Variants in ANO4 observed in about 807,000 individuals in gnomAD.
ANO4 encodes anoctamin 4.
ANO4 carries 69 observed loss-of-function variants against 141.9 expected under a neutral mutation model. The ratio of observed to expected loss-of-function variants is 0.49; its 90% CI spans 0.40 to 0.59. ANO4 has a LOEUF of 0.59. ANO4 is among the 20% of genes least tolerant of loss of function. The probability of loss-of-function intolerance (pLI) is 0.00; values close to 1 mark genes in which losing one functional copy is unlikely to be tolerated. For synonymous variants in ANO4, 350 were observed against 394.3 expected (o/e 0.89, Z 1.33); for missense variants, 894 against 1,162.2 (o/e 0.77, Z 3.36).
chr12:100,931,493 T>A lies in ANO4; in HGVS notation c.161-7822T>A, dbSNP rs545504531. On this transcript the variant is annotated intron_variant, in intron 3 of 27. Coordinates refer to ENST00000392977, the MANE Select transcript of ANO4 (RefSeq NM_001286615.2). ...GTATGGATTTGGGGTCTGAATTGAA[T>A]GAAAATTCATCTTTGTCACTTACTA... Among the ~76,000 whole-genome samples the A allele has an allele frequency of 3.2e-4, 49 of 152,274 alleles. 1 individual carries two copies. In the South Asian group the frequency reaches 9.3e-3, roughly 29 times the overall value.
chr12:100,985,397 CTT>C (rs2044664716), intron 7 of ANO4, among the ~76,000 whole-genome samples: 2 of 152,140 alleles, frequency 1.3e-5, no homozygotes, highest in Admixed American at 1.3e-4. Flanking sequence ...GTTCTAAAGA[CTT>C]TATATATGTA....
intron 3 of ANO4, among the ~76,000 whole-genome samples, chr12:100,926,595 G>T (rs961323639): frequency 6.9e-6 from 1 of 144,342 alleles, no homozygotes; most frequent in Non-Finnish European, 1.5e-5. Context: ...GTATAACAAG[G>T]GTGTGTTTGT....
At chr12:101,032,533 C>G (rs2047015941) in intron 9 of ANO4, among the ~76,000 whole-genome samples, 1 of 152,174 alleles carries the variant, frequency 6.6e-6, no homozygotes, top group African/African-American at 2.4e-5. Context: ...AACAGGCAAC[C>G]CACAAAGTGG....
At chr12:101,055,699 TCTG>T (rs1566184236) in intron 14 of ANO4, among the ~76,000 whole-genome samples, 1 of 152,148 alleles carries the variant, frequency 6.6e-6, no homozygotes, top group Non-Finnish European at 1.5e-5. Context: ...TAAATTTTCT[TCTG>T]CACTCATTTT....
chr12:100,845,860 C>CT (rs1470529020), intron 1 of ANO4, among the ~76,000 whole-genome samples: 1 of 152,166 alleles, frequency 6.6e-6, no homozygotes, highest in African/African-American at 2.4e-5. Context: ...CAGAGCTCAT[C>CT]TGGTTTAGTT....
chr12:100,740,950 C>T (rs79120032), intron 3 of ANO4, among the ~76,000 whole-genome samples: 1 of 151,984 alleles, frequency 6.6e-6, no homozygotes, highest in South Asian at 2.1e-4. Flanking sequence ...TTATCTGGCC[C>T]TTTATAGAAA....
intron 24 of ANO4, among the ~76,000 whole-genome samples, chr12:101,112,663 C>T (rs1245900995): frequency 6.6e-6 from 1 of 152,102 alleles, no homozygotes; most frequent in Non-Finnish European, 1.5e-5. Context: ...GCTGATCGAC[C>T]CCAAGGAGTT....
chr12:100,866,135 C>T (rs1201608405), intron 1 of ANO4, among the ~76,000 whole-genome samples: 1 of 152,088 alleles, frequency 6.6e-6, no homozygotes, highest in East Asian at 1.9e-4. Flanking sequence ...TGGATGTTAT[C>T]CAGAAGAGTC....
At chr12:100,769,466 A>T (rs949737860) in intron 3 of ANO4, among the ~76,000 whole-genome samples, 1 of 152,158 alleles carries the variant, frequency 6.6e-6, no homozygotes, top group Non-Finnish European at 1.5e-5. Context: ...TCTTGCCTCT[A>T]CCCTTACCAG....
At chr12:100,946,534 C>T (rs2042730279) in intron 5 of ANO4, among the ~76,000 whole-genome samples, 1 of 152,266 alleles carries the variant, frequency 6.6e-6, no homozygotes. Flanking sequence ...AGAAGAGTCA[C>T]AGACTATTTG....
chr12:101,036,873 C>G (rs1288793546), intron 9 of ANO4, among the ~76,000 whole-genome samples: 1 of 152,090 alleles, frequency 6.6e-6, no homozygotes, highest in Non-Finnish European at 1.5e-5. Context: ...TGAATAGATT[C>G]GATCTTTATT....
rs1348168986 is a variant in ANO4 at position 100,922,253 on chromosome 12, A to G, written c.83A>G (p.Gln28Arg). ...GGAGGTGTGGATTTGCAAGGCTACC[A>G]GCTGGATATGCAAATACTACCTGAC... Reference protein sequence around the residue: ...PEGGVDLQGYQLDMQILPDGP... With the variant: ...PEGGVDLQGYRLDMQILPDGP... The change falls in exon 3 of 28, where the codon CAG becomes CGG. Residue 28 changes from glutamine (Q) to arginine (R), a missense_variant. Coordinates refer to ENST00000392977, the MANE Select transcript of ANO4 (RefSeq NM_001286615.2). 2.6e-6 allele frequency: 4 copies of G among 1,532,820 alleles called. No homozygotes were observed. The highest frequency in any genetic ancestry group is 1.2e-5 in the South Asian group (1 of 83,628). 95.0% of individuals were successfully genotyped at this position (1,532,820 alleles called of 1,614,324 possible). A position where few individuals can be genotyped will look rare whatever the true frequency, so the allele number is the denominator to read the frequency against.
chr12:100,974,476 G>A (rs927136201), intron 6 of ANO4, among the ~76,000 whole-genome samples: 1 of 152,000 alleles, frequency 6.6e-6, no homozygotes. Context: ...AATTATGTAT[G>A]TTGCCCTCTG....
intron 8 of ANO4, among the ~76,000 whole-genome samples, chr12:101,018,250 C>T (rs1188370373): frequency 6.6e-6 from 1 of 152,206 alleles, no homozygotes; most frequent in African/African-American, 2.4e-5. Context: ...CAGTGAGACT[C>T]TCGGTTTTCT....
intron 5 of ANO4, among the ~76,000 whole-genome samples, chr12:100,957,410 A>C (rs902200923): frequency 6.6e-6 from 1 of 152,166 alleles, no homozygotes; most frequent in East Asian, 1.9e-4. Flanking sequence ...AACACCTCTC[A>C]CAAAGCCCCA....
intron 1 of ANO4, among the ~76,000 whole-genome samples, chr12:100,801,096 T>C (rs1055973282): frequency 2.9e-4 from 9 of 30,806 alleles, no homozygotes; most frequent in Admixed American, 3.7e-4. Flanking sequence ...TCTACTTGTC[T>C]CTCTCTCTCT....
At chr12:100,853,473 C>T (rs1041574887) in intron 1 of ANO4, among the ~76,000 whole-genome samples, 1 of 151,986 alleles carries the variant, frequency 6.6e-6, no homozygotes, top group Non-Finnish European at 1.5e-5. Flanking sequence ...TACCTTTGCC[C>T]TAATTTGAAT....
At chr12:100,788,253 A>C (rs1195369637) in intron 3 of ANO4, among the ~76,000 whole-genome samples, 2 of 152,230 alleles carry the variant, frequency 1.3e-5, no homozygotes, top group Admixed American at 1.3e-4. Flanking sequence ...AAGTCTTCCC[A>C]GGATAGACTT....
chr12:100,892,753 T>G (rs940853367), intron 1 of ANO4, among the ~76,000 whole-genome samples: 2 of 152,166 alleles, frequency 1.3e-5, no homozygotes, highest in Non-Finnish European at 2.9e-5. Flanking sequence ...ATTTTAAAAT[T>G]TATTTTCCTT....
Sources: gnomAD v4.1 joint callset for allele counts (sites outside exome capture counted in the v4.1 genomes callset) on GRCh38, gnomAD v4.1.1 for gene constraint, MANE v1.5 for transcripts, NCBI Gene and HGNC (gene_info 2026-07-23, HGNC 2026-07-21) for gene names.